Variants in ADAMTS17 observed in about 807,000 individuals in gnomAD.
ADAMTS17 encodes A disintegrin and metalloproteinase with thrombospondin motifs 17.
Under a neutral mutation model 141.5 loss-of-function variants are expected in ADAMTS17, and 113 were observed. That is an observed-to-expected ratio of 0.80 (90% confidence interval 0.69 to 0.93). The LOEUF is 0.93. ADAMTS17 is among the 40% of genes least tolerant of loss of function. The probability of loss-of-function intolerance (pLI) is 0.00; values close to 1 mark genes in which losing one functional copy is unlikely to be tolerated. For missense variants in ADAMTS17, 1,659 were observed against 1,517.9 expected, an observed-to-expected ratio of 1.09 and a Z score of -1.54; for synonymous variants, 768 against 630.6, an observed-to-expected ratio of 1.22 and a Z score of -3.27.
At chr15:100,193,305 T>C (rs1283027440) in intron 8 of ADAMTS17, among the ~76,000 whole-genome samples, 1 of 152,212 alleles carries the variant, frequency 6.6e-6, no homozygotes, top group Non-Finnish European at 1.5e-5. Flanking sequence ...CTGTCTATGC[T>C]AGCAACATTC....
At chr15:100,078,479 C>G (rs565422877) in intron 15 of ADAMTS17, among the ~76,000 whole-genome samples, 6 of 152,244 alleles carry the variant, frequency 3.9e-5, no homozygotes, top group Non-Finnish European at 7.4e-5. Flanking sequence ...AAAGAACAGT[C>G]TTCAACCAAC....
intron 15 of ADAMTS17, among the ~76,000 whole-genome samples, chr15:100,085,056 G>A (rs1461035428): frequency 1.3e-5 from 2 of 152,080 alleles, no homozygotes; most frequent in Non-Finnish European, 1.5e-5. Context: ...AGCTAAAGGA[G>A]GAAGTTCGAA....
At chr15:100,194,121 C>G (rs191148118) in intron 8 of ADAMTS17, among the ~76,000 whole-genome samples, 1 of 152,198 alleles carries the variant, frequency 6.6e-6, no homozygotes, top group Non-Finnish European at 1.5e-5. Context: ...GAGTGGGTGG[C>G]GGATAGTTCA....
rs755550706 is a variant in ADAMTS17, at chr15:99,974,447, C to T, written c.3243G>A (p.Arg1081=). ...RWYQRCCQTC[R]DFYANKMRQP... is the part of the protein sequence containing the mutation. ...GGCGCATCTTGTTTGCATAGAAGTC[C>T]CTGCAGGTCTGGCAGCAGCGCTGGT... Residue 1081 remains arginine, a synonymous_variant, in exon 22 of 22, where the codon AGG becomes AGA. Coordinates refer to ENST00000268070, the MANE Select transcript of ADAMTS17 (RefSeq NM_139057.4). 6 of 1,614,210 alleles carry T rather than the reference C, an allele frequency of 3.7e-6. No individual in the cohort carries two copies. The highest frequency in any genetic ancestry group is 4.2e-6 in the Non-Finnish European group (5 of 1,180,038).
chr15:100,048,859 T>C lies in ADAMTS17; in HGVS notation c.2589A>G (p.Ser863=). 6.2e-7 allele frequency: 1 copy of C among 1,614,190 alleles called. No homozygotes were observed. Among genetic ancestry groups the C allele is most frequent in the African/African-American group, 1.3e-5 (1 of 75,044 alleles). The change falls in exon 18 of 22, where the codon TCA becomes TCG. Residue 863 remains serine (S), a splice_region_variant and synonymous_variant. Coordinates refer to ENST00000268070, the MANE Select transcript of ADAMTS17 (RefSeq NM_139057.4). ...VRRCNLHPCQ[S]RWVAGPWSPC... ...AGCTACAGAACCCAGCTTCTTACCGTGACTGGCAGGGGTGCAAGTTGCACC... is the reference window on the plus strand; with the variant it reads ...AGCTACAGAACCCAGCTTCTTACCGCGACTGGCAGGGGTGCAAGTTGCACC...
At chr15:100,321,201 AGATT>A (rs1305226822) in intron 3 of ADAMTS17, among the ~76,000 whole-genome samples, 3 of 152,220 alleles carry the variant, frequency 2.0e-5, no homozygotes. Flanking sequence ...AAATTTTAAT[AGATT>A]ATCAAATTTC....
At chr15:99,991,515 G>C (rs1458435973) in intron 20 of ADAMTS17, among the ~76,000 whole-genome samples, 1 of 152,174 alleles carries the variant, frequency 6.6e-6, no homozygotes, top group Non-Finnish European at 1.5e-5. Flanking sequence ...AAAAAGTCAG[G>C]AAACAACAGA....
intron 18 of ADAMTS17, among the ~76,000 whole-genome samples, chr15:100,036,792 C>T (rs1228670169): frequency 6.6e-6 from 1 of 152,182 alleles, no homozygotes; most frequent in Non-Finnish European, 1.5e-5. Flanking sequence ...CCATCTCTAC[C>T]GATTTTGTCT....
intron 7 of ADAMTS17, among the ~76,000 whole-genome samples, chr15:100,241,083 C>T (rs1259051671): frequency 6.6e-6 from 1 of 152,116 alleles, no homozygotes; most frequent in African/African-American, 2.4e-5. Context: ...ATTGGTCTCC[C>T]AAAGTGCTGG....
intron 8 of ADAMTS17, among the ~76,000 whole-genome samples, chr15:100,183,626 G>A (rs2040602550): frequency 6.6e-6 from 1 of 152,132 alleles, no homozygotes; most frequent in Non-Finnish European, 1.5e-5. Context: ...TGTCACTGGT[G>A]CCAGCTGACT....
At chr15:100,028,839 T>C (rs1418015121) in intron 18 of ADAMTS17, among the ~76,000 whole-genome samples, 1 of 152,218 alleles carries the variant, frequency 6.6e-6, no homozygotes, top group Non-Finnish European at 1.5e-5. Flanking sequence ...TTACCCTCCT[T>C]CTCCTTTTTG....
intron 10 of ADAMTS17, among the ~76,000 whole-genome samples, chr15:100,143,170 G>A (rs1269726124): frequency 6.6e-6 from 1 of 152,142 alleles, no homozygotes; most frequent in East Asian, 1.9e-4. Flanking sequence ...AGAAAGCGGT[G>A]GGACTTTGTG....
intron 2 of ADAMTS17, among the ~76,000 whole-genome samples, chr15:100,336,935 G>A (rs889270579): frequency 1.3e-5 from 2 of 152,090 alleles, no homozygotes; most frequent in African/African-American, 2.4e-5. Context: ...GTGCATTGGC[G>A]GGATCTCACC....
At chr15:100,316,290 C>T (rs77608249) in intron 3 of ADAMTS17, among the ~76,000 whole-genome samples, 12,170 of 152,180 alleles carry the variant, frequency 0.08, 1,192 homozygotes, top group African/African-American at 0.24. Context: ...GCATGTGACG[C>T]TGGCCTTTGA....
In ADAMTS17 at chr15:99,977,400, AATTTTTTTTTTT is replaced by A. The variant is rs1207329146; in HGVS notation, c.2950-1190_2950-1179del. The stretch of plus-strand genomic sequence containing the variant: ...TATATATATATATATATATATATAT[AATTTTTTTTTTT>A]TTTTTTTTTTTTTTTTTGAGATGGA... On this transcript the variant is annotated intron_variant, in intron 20 of 21. Transcript: ENST00000268070. Among the ~76,000 whole-genome samples the A allele has an allele frequency of 8.6e-3, 41 of 4,754 alleles. 1 individual carries two copies. The highest frequency in any genetic ancestry group is 0.024 in the African/African-American group (38 of 1,612). 3.1% of individuals were successfully genotyped at this position (4,754 alleles called of 152,430 possible). A position where few individuals can be genotyped will look rare whatever the true frequency, so the allele number is the denominator to read the frequency against.
chr15:100,219,767 T>C (rs1346784838), intron 7 of ADAMTS17, among the ~76,000 whole-genome samples: 1 of 152,202 alleles, frequency 6.6e-6, no homozygotes, highest in African/African-American at 2.4e-5. Context: ...TCATCTGACC[T>C]GGGAATGCTA....
chr15:99,975,191 T>G (rs150748751), intron 21 of ADAMTS17, among the ~76,000 whole-genome samples: 1 of 152,304 alleles, frequency 6.6e-6, no homozygotes, highest in African/African-American at 2.4e-5. Flanking sequence ...AAGCAGAAAC[T>G]CTGTTAAAAG....
intron 4 of ADAMTS17, among the ~76,000 whole-genome samples, chr15:100,268,139 T>TC (rs1370475286): frequency 6.6e-6 from 1 of 151,938 alleles, no homozygotes; most frequent in Admixed American, 6.6e-5. Flanking sequence ...TTGTTCTTTT[T>TC]TACAGCTGTG....
chr15:100,187,214 A>C (rs1262885702), intron 8 of ADAMTS17, among the ~76,000 whole-genome samples: 1 of 152,194 alleles, frequency 6.6e-6, no homozygotes, highest in Non-Finnish European at 1.5e-5. Flanking sequence ...ATAACGTTAG[A>C]GCAGGCAGTA....
Sources: allele counts gnomAD v4.1 joint callset (sites outside exome capture counted in the v4.1 genomes callset), GRCh38; gene constraint gnomAD v4.1.1; transcripts MANE v1.5; gene names NCBI Gene and HGNC (gene_info 2026-07-23, HGNC 2026-07-21).